The following PTPRN2 variants were observed in gnomAD, a reference collection of about 807,000 sequenced individuals.
PTPRN2 encodes receptor-type tyrosine-protein phosphatase N2.
Under a neutral mutation model 118.8 loss-of-function variants are expected in PTPRN2, and 74 were observed. The observed-to-expected ratio is 0.62, with a 90% CI of 0.52 to 0.76. The LOEUF is 0.76. PTPRN2 is among the 30% of genes least tolerant of loss of function. PTPRN2 has a pLI of 0.00. For missense variants in PTPRN2, 1,481 were observed against 1,394.4 expected, an observed-to-expected ratio of 1.06 and a Z score of -0.99; for synonymous variants, 641 against 608.0, an observed-to-expected ratio of 1.05 and a Z score of -0.80.
intron 1 of PTPRN2, among the ~76,000 whole-genome samples, chr7:158,528,849 G>A (rs1046118707): frequency 1.1e-4 from 17 of 151,390 alleles, no homozygotes; most frequent in East Asian, 3.9e-4. Context: ...CACTGGCCTC[G>A]GTGAGTCCAC....
intron 2 of PTPRN2, among the ~76,000 whole-genome samples, chr7:158,486,912 C>T (rs1821071261): frequency 6.6e-6 from 1 of 152,222 alleles, no homozygotes; most frequent in South Asian, 2.1e-4. Flanking sequence ...ACTGAAACTC[C>T]ACCAATTAAA....
Position 157,591,203 on chromosome 7 carries a change from G to A in PTPRN2, c.2496+4035C>T, listed in dbSNP as rs988391093. Among the ~76,000 whole-genome samples the A allele has an allele frequency of 1.3e-5, 2 of 152,146 alleles. No homozygotes were observed. Among genetic ancestry groups the A allele is most frequent in the African/African-American group, 2.4e-5 (1 of 41,432 alleles). Reference sequence around the variant, plus strand: ...ACTTCGAATCCCCCAAGGAGTGCACGGGCCTGGGGCAGACACGGCCATCTT... The same window carrying A: ...ACTTCGAATCCCCCAAGGAGTGCACAGGCCTGGGGCAGACACGGCCATCTT... On this transcript the variant is annotated intron_variant, in intron 17 of 22. Transcript: ENST00000389418. This position sits in a 1 kb window ranked among gnomAD's most constrained non-coding sequence, Gnocchi z 4.4.
At chr7:158,122,327 G>A (rs1817239322) in intron 9 of PTPRN2, among the ~76,000 whole-genome samples, 1 of 152,162 alleles carries the variant, frequency 6.6e-6, no homozygotes, top group African/African-American at 2.4e-5. Flanking sequence ...TACTGAATCA[G>A]CCACATGGGA....
intron 11 of PTPRN2, among the ~76,000 whole-genome samples, chr7:157,942,434 G>C (rs1390850547): frequency 6.6e-6 from 1 of 152,156 alleles, no homozygotes; most frequent in Non-Finnish European, 1.5e-5. Context: ...CAGCCTCAGC[G>C]AATGTCCTGA....
intron 12 of PTPRN2, among the ~76,000 whole-genome samples, chr7:157,841,952 T>C (rs1452852511): frequency 6.6e-6 from 1 of 152,064 alleles, no homozygotes; most frequent in Admixed American, 6.5e-5. Context: ...CTCTCCCCCA[T>C]AATGCAAAGC....
chr7:158,481,848 A>G (rs1204117687), intron 2 of PTPRN2, among the ~76,000 whole-genome samples: 2 of 152,224 alleles, frequency 1.3e-5, no homozygotes, highest in African/African-American at 2.4e-5. Context: ...AAGTAAATTG[A>G]AAACCTCCTG....
At chr7:158,092,634 C>T (rs963326133) in intron 10 of PTPRN2, among the ~76,000 whole-genome samples, 5 of 152,056 alleles carry the variant, frequency 3.3e-5, no homozygotes, top group African/African-American at 1.2e-4. Flanking sequence ...GTTTCTTAGT[C>T]AGTATTATGT....
At position 157,587,274 on chromosome 7, in the gene PTPRN2, G is replaced by GCAGA. The variant is rs34750776; in HGVS notation, c.2496+7960_2496+7963dup. Among the ~76,000 whole-genome samples the GCAGA allele has an allele frequency of 0.26, 39,114 of 150,968 alleles. 5,865 individuals are homozygous for GCAGA. Among genetic ancestry groups the GCAGA allele is most frequent in the African/African-American group, 0.41 (16,858 of 40,706 alleles). On this transcript the variant is annotated intron_variant, in intron 17 of 22. Coordinates refer to ENST00000389418, the MANE Select transcript of PTPRN2 (RefSeq NM_002847.5). The surrounding 1 kb of genome is among the most constrained non-coding windows in gnomAD (Gnocchi z 5.3). ...GGCAGACAGACAGGCAGACAAACAG[G>GCAGA]CAGACAGGCAGACGAGCCACTGGTG...
chr7:158,253,778 T>C (rs1796842486), intron 3 of PTPRN2, among the ~76,000 whole-genome samples: 1 of 152,240 alleles, frequency 6.6e-6, no homozygotes, highest in Admixed American at 6.5e-5. Flanking sequence ...GGAATAACTC[T>C]TTTTAAGAGC....
At chr7:157,677,416 T>C (rs2150796972) in intron 13 of PTPRN2, among the ~76,000 whole-genome samples, 1 of 152,346 alleles carries the variant, frequency 6.6e-6, no homozygotes, top group East Asian at 1.9e-4. Context: ...GAGGTTTCTC[T>C]GGCCACCTTT....
chr7:157,771,144 G>A (rs1025386220), intron 12 of PTPRN2, among the ~76,000 whole-genome samples: 3 of 152,248 alleles, frequency 2.0e-5, no homozygotes, highest in Admixed American at 2.0e-4. Context: ...AGAGCTCCCA[G>A]CCACAGCCCT....
At chr7:157,726,328 C>T (rs58306360) in intron 12 of PTPRN2, among the ~76,000 whole-genome samples, 4 of 136,612 alleles carry the variant, frequency 2.9e-5, no homozygotes, top group East Asian at 2.4e-4. Context: ...GATATCCACA[C>T]GCAGAGGAGT....
At chr7:157,597,236 A>G (rs910134405) in intron 16 of PTPRN2, among the ~76,000 whole-genome samples, 1 of 152,236 alleles carries the variant, frequency 6.6e-6, no homozygotes, top group Non-Finnish European at 1.5e-5. Context: ...AGTGATTCGT[A>G]ATTAAAACTG....
intron 11 of PTPRN2, among the ~76,000 whole-genome samples, chr7:158,057,490 T>A (rs886608525): frequency 6.6e-6 from 1 of 152,234 alleles, no homozygotes; most frequent in African/African-American, 2.4e-5. Flanking sequence ...GAATAGCCTC[T>A]GCAGTCTCAC....
intron 20 of PTPRN2, among the ~76,000 whole-genome samples, chr7:157,569,194 A>T (rs1178318112): frequency 1.3e-5 from 2 of 152,238 alleles, no homozygotes; most frequent in Non-Finnish European, 2.9e-5. Flanking sequence ...TTGTGGGATG[A>T]GCTGCTGTGC....
At chr7:157,965,405 G>T (rs1801852475) in intron 11 of PTPRN2, among the ~76,000 whole-genome samples, 1 of 152,134 alleles carries the variant, frequency 6.6e-6, no homozygotes, top group East Asian at 1.9e-4. Context: ...AGCACCGCAA[G>T]CATCTCACCA....
intron 13 of PTPRN2, among the ~76,000 whole-genome samples, chr7:157,664,627 C>T (rs1036630563): frequency 4.6e-5 from 7 of 151,972 alleles, no homozygotes; most frequent in African/African-American, 1.5e-4. Context: ...GGTGTGGTGG[C>T]GTGCACCTGT....
chr7:157,988,572 A>G (rs918063369), intron 11 of PTPRN2, among the ~76,000 whole-genome samples: 3 of 152,176 alleles, frequency 2.0e-5, no homozygotes, highest in Non-Finnish European at 2.9e-5. Flanking sequence ...TAGTGCTACT[A>G]TAAGTAACAA....
Position 158,281,030 on chromosome 7 carries a change from G to A in PTPRN2, c.277+35789C>T, listed in dbSNP as rs762602085. Among the ~76,000 whole-genome samples the A allele has an allele frequency of 4.6e-5, 7 of 152,234 alleles. No homozygotes were observed. In the South Asian group the frequency reaches 6.2e-4, roughly 14 times the overall value. On this transcript the variant is annotated intron_variant, in intron 3 of 22. Transcript: ENST00000389418. ...TCCATTTAAATCTTGAGGGCTGGGC[G>A]CAGTGGCTCACGCCTCTAATCCCAC... is the stretch of plus-strand genomic sequence containing the variant.
Sources: gnomAD v4.1 joint callset for allele counts (sites outside exome capture counted in the v4.1 genomes callset) on GRCh38, gnomAD v4.1.1 for gene constraint, Gnocchi (gnomAD v3.1) non-coding constraint, MANE v1.5 for transcripts, NCBI Gene and HGNC (gene_info 2026-07-23, HGNC 2026-07-21) for gene names.